Variants in PCDHA2 observed in about 807,000 individuals in gnomAD.
The protein encoded by PCDHA2 is protocadherin alpha-2.
PCDHA2 carries 58 observed loss-of-function variants against 66.0 expected under a neutral mutation model. The observed-to-expected ratio is 0.88, with a 90% CI of 0.71 to 1.09. The LOEUF (loss-of-function observed/expected upper bound fraction) is 1.09, where lower values mean the gene tolerates loss of function less well. Ranked by LOEUF, PCDHA2 falls within the 50% of genes least tolerant of loss-of-function variation. The pLI is 0.00. For synonymous variants in PCDHA2, 634 were observed against 554.0 expected (o/e 1.14, Z -2.03); for missense variants, 1,267 against 1,242.3 (o/e 1.02, Z -0.30).
At chr5:140,847,086 A>G (rs1439792842) in intron 1 of PCDHA2, among the ~76,000 whole-genome samples, 1 of 149,852 alleles carries the variant, frequency 6.7e-6, no homozygotes, top group East Asian at 1.9e-4. Flanking sequence ...AGAAAAGTCC[A>G]CTTTGGTTAA....
chr5:140,843,065 C>G, intron 1 of PCDHA2: 1 of 1,595,232 alleles, frequency 6.3e-7, no homozygotes, highest in Non-Finnish European at 8.6e-7. Context: ...CAAGCTGGTG[C>G]CGCGGTCTGT....
rs576274101 is a variant in PCDHA2 at position 140,846,411 on chromosome 5, A to C, written c.2388+49059A>C. On this transcript the variant is annotated intron_variant, in intron 1 of 3. Transcript: ENST00000526136. ...TTTTTTTGAGACGGAGTCTCGCTCTATCTCCCAGGCTGGAATGCAGTGGCG... is the reference window on the plus strand; with the variant it reads ...TTTTTTTGAGACGGAGTCTCGCTCTCTCTCCCAGGCTGGAATGCAGTGGCG... Among the ~76,000 whole-genome samples the C allele has an allele frequency of 2.7e-5, 3 of 109,350 alleles. 1 individual carries two copies. The South Asian group carries it at 8.0e-4, about 29-fold the overall frequency. The allele number at this position is 109,350 out of a possible 152,430, so 71.7% of individuals were successfully genotyped here.
chr5:140,822,739 A>G (rs1165429866), intron 1 of PCDHA2: 8 of 1,613,518 alleles, frequency 5.0e-6, no homozygotes, highest in African/African-American at 1.3e-5. Flanking sequence ...TATTGATGCC[A>G]TGGATAAAAG....
intron 1 of PCDHA2, among the ~76,000 whole-genome samples, chr5:140,920,083 G>A (rs536573725): frequency 3.3e-5 from 5 of 152,260 alleles, no homozygotes; most frequent in East Asian, 1.9e-4. Flanking sequence ...CAGATTCTCC[G>A]TAGAGCCTCT....
intron 1 of PCDHA2, chr5:140,822,208 A>G (rs949337780): frequency 1.2e-6 from 2 of 1,614,272 alleles, no homozygotes; most frequent in Non-Finnish European, 8.5e-7. Context: ...TTTAGAGTCA[A>G]GAATGCCAGA....
chr5:140,911,915 G>A (rs553932242), intron 1 of PCDHA2, among the ~76,000 whole-genome samples: 3 of 152,226 alleles, frequency 2.0e-5, no homozygotes, highest in African/African-American at 7.2e-5. Flanking sequence ...CTCTCTAGAG[G>A]ACAGAACTAA....
intron 1 of PCDHA2, chr5:140,824,084 C>A: frequency 2.5e-6 from 4 of 1,614,192 alleles, no homozygotes; most frequent in Non-Finnish European, 8.5e-7. Flanking sequence ...GACCTCATGG[C>A]CTTCAGTCCA....
rs566725560 is a variant in PCDHA2, at chr5:140,929,099, G to T, written c.2389-49850G>T. The T allele has an allele frequency of 9.3e-6, 15 of 1,614,170 alleles. No homozygotes were observed. The African/African-American group carries it at 1.9e-4, about 20-fold the overall frequency. ...GGAAGTAAGATGGTTTCAAATCCTT[G>T]CATGACATCAGCCACCATAGATGTC... On this transcript the variant is annotated intron_variant, in intron 1 of 3. Transcript: ENST00000526136.
intron 1 of PCDHA2, chr5:140,870,432 G>T (rs368823990): frequency 4.3e-6 from 7 of 1,614,134 alleles, no homozygotes; most frequent in Non-Finnish European, 5.1e-6. Flanking sequence ...TATCCGTGGA[G>T]GTGGCCGACG....
chr5:140,848,258 T>G, intron 1 of PCDHA2: 1 of 479,224 alleles, frequency 2.1e-6, no homozygotes, highest in Non-Finnish European at 3.7e-6. Context: ...AACTGTGAAA[T>G]TTTTATTCAT....
intron 1 of PCDHA2, among the ~76,000 whole-genome samples, chr5:140,819,220 C>T (rs1359956412): frequency 2.6e-5 from 4 of 152,084 alleles, no homozygotes; most frequent in Non-Finnish European, 5.9e-5. Flanking sequence ...TATACAATTG[C>T]TTCAACATTT....
chr5:141,010,226 C>G lies in PCDHA2; in HGVS notation c.*289C>G, dbSNP rs1386050566. The G allele has an allele frequency of 1.3e-6, 2 of 1,551,706 alleles. No individual in the cohort carries two copies. Among genetic ancestry groups the G allele is most frequent in the Non-Finnish European group, 1.7e-6 (2 of 1,147,032 alleles). ...CGCCGCAAAGGAGAGGCTTCCCAGC[C>G]CCGCCAGTGAGAGGTTGGACTCTCT... On this transcript the variant is annotated 3_prime_UTR_variant, in exon 4 of 4. Coordinates refer to ENST00000526136, the MANE Select transcript of PCDHA2 (RefSeq NM_018905.3).
rs782580460 is a variant in PCDHA2, at chr5:140,875,923, C to T, written c.2388+78571C>T. 1.2e-5 allele frequency: 20 copies of T among 1,614,184 alleles called. 1 individual carries two copies. The South Asian group carries it at 2.1e-4, about 17-fold the overall frequency. On this transcript the variant is annotated intron_variant, in intron 1 of 3. Coordinates refer to ENST00000526136, the MANE Select transcript of PCDHA2 (RefSeq NM_018905.3). ...TTCTGAATCTGCGCCTCTGGACTCT[C>T]ATTTTCCTCTAGAGGGCGCTTCTGA...
In PCDHA2 at chr5:140,795,612, T is replaced by C. The variant is rs782262057; in HGVS notation, c.648T>C (p.Asp216=). 6.2e-7 allele frequency: 1 copy of C among 1,614,180 alleles called. No homozygotes were observed. Among genetic ancestry groups the C allele is most frequent in the Non-Finnish European group, 8.5e-7 (1 of 1,180,036 alleles). The change falls in exon 1 of 4, where the codon GAT becomes GAC. Residue 216 remains aspartate, a synonymous_variant. Transcript: ENST00000526136. ...AEVNLLLVAT[D]GGKPELTGTV... ...TTAATTTGTTACTGGTGGCTACTGA[T>C]GGGGGCAAACCTGAGCTCACGGGCA... is the stretch of plus-strand genomic sequence containing the variant.
chr5:140,803,832 G>T (rs1554122970), intron 1 of PCDHA2: 3 of 620,980 alleles, frequency 4.8e-6, no homozygotes, highest in Non-Finnish European at 2.7e-6. Context: ...TGCAGTAGTA[G>T]AATTATTTTA....
intron 3 of PCDHA2, among the ~76,000 whole-genome samples, chr5:141,001,297 A>G (rs1367498675): frequency 1.3e-5 from 2 of 152,202 alleles, no homozygotes; most frequent in African/African-American, 2.4e-5. Context: ...ACTGAGGCCC[A>G]GAGATATGAA....
intron 1 of PCDHA2, chr5:140,805,184 T>C: frequency 1.3e-6 from 2 of 1,491,856 alleles, no homozygotes; most frequent in Non-Finnish European, 1.8e-6. Flanking sequence ...CTATGCCAAA[T>C]AAATATTGAA....
At chr5:140,805,618 A>G (rs1177703888) in intron 1 of PCDHA2, 1 of 920,188 alleles carries the variant, frequency 1.1e-6, no homozygotes, top group East Asian at 1.2e-4. Context: ...TTTATGTAAG[A>G]AAATGTATTG....
At chr5:140,803,111 C>T in intron 1 of PCDHA2, 1 of 1,613,808 alleles carries the variant, frequency 6.2e-7, no homozygotes, top group Non-Finnish European at 8.5e-7. Flanking sequence ...GTGCCCTGGA[C>T]GAGGTGGACG....
Sources: gnomAD v4.1 joint callset for allele counts (sites outside exome capture counted in the v4.1 genomes callset) on GRCh38, gnomAD v4.1.1 for gene constraint, MANE v1.5 for transcripts, NCBI Gene and HGNC (gene_info 2026-07-23, HGNC 2026-07-21) for gene names.